The following FAM193A variants were observed in gnomAD, a reference collection of about 807,000 sequenced individuals.
FAM193A encodes the protein protein FAM193A.
FAM193A carries 22 observed loss-of-function variants against 126.5 expected under a neutral mutation model. The ratio of observed to expected loss-of-function variants is 0.17; its 90% confidence interval spans 0.12 to 0.25. FAM193A has a LOEUF of 0.25. Among genes scored for constraint, FAM193A ranks in the 10% least tolerant of loss-of-function variants. The probability of loss-of-function intolerance (pLI) is 1.00; values close to 1 mark genes in which losing one functional copy is unlikely to be tolerated. For missense variants in FAM193A, 1,675 were observed against 1,672.8 expected, an observed-to-expected ratio of 1.00 and a Z score of -0.02; for synonymous variants, 761 against 646.8, an observed-to-expected ratio of 1.18 and a Z score of -2.68.
intron 8 of FAM193A, among the ~76,000 whole-genome samples, chr4:2,659,208 C>T (rs1469602562): frequency 6.6e-6 from 1 of 152,212 alleles, no homozygotes; most frequent in Admixed American, 6.5e-5. Context: ...TTGCCCTCCA[C>T]GTGCCACTTT....
rs191708363 is a variant in FAM193A, at chr4:2,566,133, T to C, written c.255+28963T>C. On this transcript the variant is annotated intron_variant, in intron 1 of 20. Coordinates refer to ENST00000637812, the MANE Select transcript of FAM193A (RefSeq NM_001366318.2). ...CACAATCTTGGCTGACTGCAAGCTC[T>C]GCCTTCTGGGTTCACGCCATTCTGC... Among the ~76,000 whole-genome samples the C allele has an allele frequency of 8.6e-3, 1,301 of 152,048 alleles. 15 individuals are homozygous for C. Among genetic ancestry groups the C allele is most frequent in the African/African-American group, 0.03 (1,244 of 41,418 alleles).
chr4:2,721,199 G>A (rs1041416893), intron 20 of FAM193A, among the ~76,000 whole-genome samples: 3 of 151,382 alleles, frequency 2.0e-5, no homozygotes, highest in Non-Finnish European at 2.9e-5. Flanking sequence ...TGTAGTCCCA[G>A]CTACTCGGGA....
At chr4:2,552,847 CTTT>C (rs5855745) in intron 1 of FAM193A, among the ~76,000 whole-genome samples, 10 of 119,360 alleles carry the variant, frequency 8.4e-5, no homozygotes, top group Admixed American at 2.6e-4. Flanking sequence ...ACAGAACTTT[CTTT>C]TTTTTTTTTT....
intron 7 of FAM193A, among the ~76,000 whole-genome samples, chr4:2,656,791 C>G (rs1325158358): frequency 1.3e-5 from 2 of 152,188 alleles, no homozygotes; most frequent in African/African-American, 4.8e-5. Flanking sequence ...CAAAATAGCC[C>G]ATGAGCCCCT....
At chr4:2,581,360 TCTC>T (rs1286603125) in intron 1 of FAM193A, among the ~76,000 whole-genome samples, 1 of 150,992 alleles carries the variant, frequency 6.6e-6, no homozygotes, top group Non-Finnish European at 1.5e-5. Flanking sequence ...TCCAAGTAAT[TCTC>T]CTGCCTCAGC....
chr4:2,690,648 C>T, intron 14 of FAM193A, 50 bp from the exon 15 acceptor site: 1 of 1,543,764 alleles, frequency 6.5e-7, no homozygotes, highest in East Asian at 2.2e-5. Context: ...TAGGGTTTAG[C>T]TAAGTATGAT....
chr4:2,708,711 C>T (rs1397706712), intron 19 of FAM193A, among the ~76,000 whole-genome samples: 1 of 152,234 alleles, frequency 6.6e-6, no homozygotes, highest in East Asian at 1.9e-4. Flanking sequence ...GATCTGCCCT[C>T]CTTGGCCTCC....
intron 16 of FAM193A, among the ~76,000 whole-genome samples, chr4:2,694,566 C>T (rs1406056288): frequency 6.6e-6 from 1 of 152,096 alleles, no homozygotes; most frequent in Non-Finnish European, 1.5e-5. Context: ...TGCACCTGGC[C>T]AGACTTTCTT....
At chr4:2,715,921 T>G in intron 19 of FAM193A, 102 bp from the exon 20 acceptor site, 1 of 780,612 alleles carries the variant, frequency 1.3e-6, no homozygotes. Flanking sequence ...TGTTTACAAT[T>G]TTTGAAGTTG....
intron 1 of FAM193A, among the ~76,000 whole-genome samples, chr4:2,552,765 A>G (rs1399092882): frequency 7.0e-6 from 1 of 142,950 alleles, no homozygotes; most frequent in Non-Finnish European, 1.5e-5. Flanking sequence ...TCTTGATCTC[A>G]TGACCTCGGG....
chr4:2,596,589 T>C (rs1740877156), intron 2 of FAM193A, among the ~76,000 whole-genome samples: 1 of 152,212 alleles, frequency 6.6e-6, no homozygotes, highest in East Asian at 1.9e-4. Flanking sequence ...TTTTTGGCTT[T>C]GAGCTTAGTA....
At chr4:2,640,522 C>T (rs552400350) in intron 6 of FAM193A, among the ~76,000 whole-genome samples, 5 of 152,292 alleles carry the variant, frequency 3.3e-5, no homozygotes, top group South Asian at 2.1e-4. Context: ...CTCAGCAGAA[C>T]GCTGTTCCCT....
At chr4:2,548,875 A>G (rs994357164) in intron 1 of FAM193A, among the ~76,000 whole-genome samples, 3 of 151,904 alleles carry the variant, frequency 2.0e-5, no homozygotes, top group Non-Finnish European at 4.4e-5. Context: ...GCTCAAGGTT[A>G]TGAAGATTTT....
intron 1 of FAM193A, among the ~76,000 whole-genome samples, chr4:2,595,516 C>T (rs1401447911): frequency 1.3e-5 from 2 of 152,204 alleles, no homozygotes; most frequent in Non-Finnish European, 2.9e-5. Flanking sequence ...TTTGAAAATG[C>T]AGATGTTTAT....
chr4:2,682,900 G>T (rs374163754), intron 13 of FAM193A, among the ~76,000 whole-genome samples: 18 of 150,030 alleles, frequency 1.2e-4, no homozygotes, highest in African/African-American at 2.8e-4. Flanking sequence ...ATAATAATAA[G>T]AAGAAGATAT....
At chr4:2,685,785 C>T (rs957667457) in intron 13 of FAM193A, among the ~76,000 whole-genome samples, 2 of 152,166 alleles carry the variant, frequency 1.3e-5, no homozygotes, top group Non-Finnish European at 2.9e-5. Flanking sequence ...AGAGGACAGG[C>T]GAGTCACCTA....
chr4:2,612,132 G>A (rs1487005882), intron 2 of FAM193A, among the ~76,000 whole-genome samples: 3 of 151,574 alleles, frequency 2.0e-5, no homozygotes, highest in East Asian at 2.0e-4. Context: ...CACCGCGCCC[G>A]GCTCCAATTT....
intron 12 of FAM193A, among the ~76,000 whole-genome samples, chr4:2,668,746 GTGCC>G (rs988136598): frequency 8.6e-5 from 13 of 151,982 alleles, no homozygotes; most frequent in African/African-American, 1.9e-4. Context: ...TATTTATACA[GTGCC>G]TGCCTGCCTG....
chr4:2,728,895 A>ATTTTTTTTTTTT (rs1491485597), intron 20 of FAM193A, among the ~76,000 whole-genome samples: 3 of 105,710 alleles, frequency 2.8e-5, no homozygotes, highest in Non-Finnish European at 1.8e-5. Context: ...CACCTCCAAA[A>ATTTTTTTTTTTT]CTTTTTTTTT....
Sources: gnomAD v4.1 joint callset for allele counts (sites outside exome capture counted in the v4.1 genomes callset) on GRCh38, gnomAD v4.1.1 for gene constraint, MANE v1.5 for transcripts, NCBI Gene and HGNC (gene_info 2026-07-23, HGNC 2026-07-21) for gene names.